The following ZCCHC8 variants were observed in gnomAD, a reference collection of about 807,000 sequenced individuals.
The protein encoded by ZCCHC8 is zinc finger CCHC domain-containing protein 8.
Under a neutral mutation model 70.6 loss-of-function variants are expected in ZCCHC8, and 27 were observed. The ratio of observed to expected loss-of-function variants is 0.38; its 90% CI spans 0.28 to 0.53. The LOEUF is 0.53. Among genes scored for constraint, ZCCHC8 ranks in the 20% least tolerant of loss-of-function variants. The pLI, the probability that ZCCHC8 is intolerant of heterozygous loss-of-function variation, is 0.81. For missense variants in ZCCHC8, 737 were observed against 876.9 expected (o/e 0.84, Z 2.01); for synonymous variants, 293 against 317.4 (o/e 0.92, Z 0.82).
At chr12:122,495,952 G>A (rs762751510) in intron 2 of ZCCHC8, among the ~76,000 whole-genome samples, 2 of 148,782 alleles carry the variant, frequency 1.3e-5, no homozygotes, top group Non-Finnish European at 3.0e-5. Flanking sequence ...AGGATCACTT[G>A]AGCCTAGGAG....
chr12:122,486,366 T>C (rs1222476273), intron 5 of ZCCHC8, among the ~76,000 whole-genome samples: 1 of 141,912 alleles, frequency 7.0e-6, no homozygotes, highest in Non-Finnish European at 1.5e-5. Context: ...TAAGCTGAGA[T>C]TGTGCCATGG....
chr12:122,496,841 A>G (rs1386291153), intron 2 of ZCCHC8, among the ~76,000 whole-genome samples: 1 of 152,190 alleles, frequency 6.6e-6, no homozygotes, highest in Non-Finnish European at 1.5e-5. Flanking sequence ...AGGGTGAGAT[A>G]TGAGGAAGTT....
intron 10 of ZCCHC8, chr12:122,480,547 C>T (rs1202577410): frequency 2.5e-5 from 8 of 320,736 alleles, no homozygotes; most frequent in Non-Finnish European, 4.5e-5. Flanking sequence ...TCTTGGCTCA[C>T]TACAGCTTCT....
intron 11 of ZCCHC8, 105 bp downstream of exon 11, chr12:122,480,085 T>C: frequency 9.4e-7 from 1 of 1,061,372 alleles, no homozygotes; most frequent in Non-Finnish European, 1.4e-6. Flanking sequence ...GTGTTGGGAT[T>C]ACAGGTGTGA....
intron 13 of ZCCHC8, among the ~76,000 whole-genome samples, chr12:122,475,758 T>C (rs988370457): frequency 4.1e-4 from 63 of 152,164 alleles, no homozygotes; most frequent in African/African-American, 1.5e-3. Context: ...CCCATCTCCA[T>C]TGGAAACCAT....
intron 4 of ZCCHC8, among the ~76,000 whole-genome samples, 165 bp from the exon 5 acceptor site, chr12:122,489,628 C>A (rs557047137): frequency 6.6e-6 from 1 of 152,274 alleles, no homozygotes; most frequent in South Asian, 2.1e-4. Context: ...CTAGCATGCA[C>A]TACAACTTCT....
intron 2 of ZCCHC8, among the ~76,000 whole-genome samples, chr12:122,493,966 G>C (rs1957787238): frequency 6.6e-6 from 1 of 152,072 alleles, no homozygotes; most frequent in Non-Finnish European, 1.5e-5. Flanking sequence ...GAAGTATATA[G>C]GAAAGAACAC....
chr12:122,474,733 T>TC (rs1481166017), intron 13 of ZCCHC8, among the ~76,000 whole-genome samples: 1 of 139,598 alleles, frequency 7.2e-6, no homozygotes, highest in African/African-American at 3.0e-5. Context: ...ATTTCCTAGC[T>TC]CTTTTTTTTT....
chr12:122,485,405 C>T (rs529306868), intron 5 of ZCCHC8, among the ~76,000 whole-genome samples: 3 of 152,300 alleles, frequency 2.0e-5, no homozygotes, highest in Admixed American at 6.5e-5. Flanking sequence ...TGAGCCACTG[C>T]GCCTGGCCTA....
intron 3 of ZCCHC8, chr12:122,492,384 G>A: frequency 5.0e-6 from 1 of 201,972 alleles, no homozygotes; most frequent in Non-Finnish European, 9.9e-6. Context: ...ATTTTTATTA[G>A]AAGCTATTTA....
At chr12:122,482,200 G>A (rs931161126) in intron 8 of ZCCHC8, 113 bp from the exon 9 acceptor site, 1 of 1,187,256 alleles carries the variant, frequency 8.4e-7, no homozygotes, top group African/African-American at 1.6e-5. Context: ...TAGTTTTAAT[G>A]TATAACGAAC....
rs2137340849 is a variant in ZCCHC8 at position 122,483,855 on chromosome 12, G to GC, written c.502-293dup. 1 of 266,886 alleles carries GC rather than the reference G, an allele frequency of 3.7e-6. No homozygotes were observed. The highest frequency in any genetic ancestry group is 6.9e-5 in the South Asian group (1 of 14,442). The allele number at this position is 266,886 out of a possible 1,614,324, so 16.5% of individuals were successfully genotyped here. A position where few individuals can be genotyped will look rare whatever the true frequency, so the allele number is the denominator to read the frequency against. On this transcript the variant is annotated intron_variant, in intron 5 of 13. Coordinates refer to ENST00000633063, the MANE Select transcript of ZCCHC8 (RefSeq NM_017612.5). This position sits in a 1 kb window ranked among gnomAD's most constrained non-coding sequence, Gnocchi z 4.4. ...CTTGACTCTCATATTTCCCTCCAAT[G>GC]CCCCATTTCATTGCTTCTCTTTGCA...
intron 13 of ZCCHC8, among the ~76,000 whole-genome samples, chr12:122,477,525 C>T (rs1405716284): frequency 6.7e-6 from 1 of 148,164 alleles, no homozygotes; most frequent in African/African-American, 2.5e-5. Flanking sequence ...TGGCTCACGC[C>T]TGTAATCCCA....
At chr12:122,480,581 C>T (rs772080734) in intron 10 of ZCCHC8, 1 of 265,206 alleles carries the variant, frequency 3.8e-6, no homozygotes, top group Non-Finnish European at 7.1e-6. Context: ...AAGTGATCCT[C>T]CCACCTCAGC....
At chr12:122,477,012 T>G (rs756795459) in intron 13 of ZCCHC8, among the ~76,000 whole-genome samples, 3 of 150,646 alleles carry the variant, frequency 2.0e-5, no homozygotes, top group Non-Finnish European at 1.5e-5. Flanking sequence ...ACAGTGAAAC[T>G]CTGTCTCGAA....
chr12:122,482,846 A>C, intron 7 of ZCCHC8, 151 bp from the exon 8 acceptor site: 1 of 634,154 alleles, frequency 1.6e-6, no homozygotes, highest in African/African-American at 1.8e-5. Flanking sequence ...GTACACTTTA[A>C]TCTCCTTTAT....
chr12:122,476,593 CA>C (rs58599674), intron 13 of ZCCHC8, among the ~76,000 whole-genome samples: 107 of 129,560 alleles, frequency 8.3e-4, no homozygotes, highest in Non-Finnish European at 1.3e-3. Flanking sequence ...GATCCTGTCT[CA>C]AAAAAAAAAA....
chr12:122,482,621 T>C lies in ZCCHC8; in HGVS notation c.732+14A>G, dbSNP rs536645204. Reference sequence around the variant, plus strand: ...TCTTGTTCAAAGACTTTTCTTAACATGAGAAAAATTTACCATTGGGCAATC... The same window carrying C: ...TCTTGTTCAAAGACTTTTCTTAACACGAGAAAAATTTACCATTGGGCAATC... On this transcript the variant is annotated intron_variant, in intron 8 of 13. Coordinates refer to ENST00000633063, the MANE Select transcript of ZCCHC8 (RefSeq NM_017612.5). The C allele has an allele frequency of 1.3e-5, 21 of 1,596,044 alleles. 1 individual carries two copies. In the South Asian group the frequency reaches 1.9e-4, roughly 15 times the overall value.
Position 122,474,074 on chromosome 12 carries a change from G to C in ZCCHC8, c.1547C>G (p.Thr516Ser). ...ASGAVDEDAL[T>S]LEELEEQQRR... ...CTGCTGTTCTTCAAGTTCTTCTAGA[G>C]TCAGTGCGTCCTCATCCACAGCTCC... The change falls in exon 14 of 14, where the codon ACT (threonine) becomes AGT (serine). Residue 516 changes from threonine to serine, a missense_variant. Physicochemically the swap from Thr to Ser is moderately conservative, Grantham distance 58. Coordinates refer to ENST00000633063, the MANE Select transcript of ZCCHC8 (RefSeq NM_017612.5). 1 of 1,522,860 alleles carries C rather than the reference G, an allele frequency of 6.6e-7. No homozygotes were observed. The highest frequency in any genetic ancestry group is 8.8e-7 in the Non-Finnish European group (1 of 1,138,116). 94.3% of individuals were successfully genotyped at this position (1,522,860 alleles called of 1,614,324 possible). A position where few individuals can be genotyped will look rare whatever the true frequency, so the allele number is the denominator to read the frequency against.
Sources: gnomAD v4.1 joint callset for allele counts (sites outside exome capture counted in the v4.1 genomes callset) on GRCh38, gnomAD v4.1.1 for gene constraint, Gnocchi (gnomAD v3.1) non-coding constraint, MANE v1.5 for transcripts, NCBI Gene and HGNC (gene_info 2026-07-23, HGNC 2026-07-21) for gene names.